FLT1: variants seen among roughly 807,000 people sequenced by gnomAD.
The protein encoded by FLT1 is vascular endothelial growth factor receptor 1.
A neutral mutation model predicts 156.3 loss-of-function variants in FLT1; 49 were observed. The observed-to-expected ratio is 0.31, with a 90% confidence interval of 0.25 to 0.40. FLT1 has a LOEUF of 0.40. Ranked by LOEUF, FLT1 falls within the 10% of genes least tolerant of loss-of-function variation. The probability of loss-of-function intolerance (pLI) is 1.00; values close to 1 mark genes in which losing one functional copy is unlikely to be tolerated. For synonymous variants in FLT1, 594 were observed against 583.8 expected (o/e 1.02, Z -0.25); for missense variants, 1,322 against 1,637.2 (o/e 0.81, Z 3.32).
intron 10 of FLT1, among the ~76,000 whole-genome samples, chr13:28,420,938 C>A (rs1373146614): frequency 6.6e-6 from 1 of 152,026 alleles, no homozygotes; most frequent in Non-Finnish European, 1.5e-5. Context: ...TCTCGGAAGC[C>A]CTTCTCAGAG....
chr13:28,402,444 A>G (rs1305703147), intron 11 of FLT1, among the ~76,000 whole-genome samples: 1 of 152,208 alleles, frequency 6.6e-6, no homozygotes, highest in Non-Finnish European at 1.5e-5. Context: ...ATATTAGTAG[A>G]TGCTAAAAGT....
At chr13:28,320,053 T>C (rs1374478942) in intron 23 of FLT1, among the ~76,000 whole-genome samples, 2 of 152,122 alleles carry the variant, frequency 1.3e-5, no homozygotes, top group Admixed American at 6.5e-5. Flanking sequence ...AAAGAGAATA[T>C]ACAGTTAGTT....
intron 4 of FLT1, among the ~76,000 whole-genome samples, chr13:28,436,088 A>G (rs1191545064): frequency 1.3e-5 from 2 of 152,228 alleles, no homozygotes; most frequent in African/African-American, 4.8e-5. Context: ...TCATCTATCC[A>G]TTACGGCTGT....
chr13:28,445,787 GA>G (rs1878584225), intron 3 of FLT1, among the ~76,000 whole-genome samples: 2 of 152,122 alleles, frequency 1.3e-5, no homozygotes, highest in South Asian at 4.1e-4. Flanking sequence ...AAAAATAGAA[GA>G]GAAGAGAAAA....
chr13:28,470,835 C>T (rs1297152908), intron 1 of FLT1, among the ~76,000 whole-genome samples: 3 of 152,122 alleles, frequency 2.0e-5, no homozygotes, highest in Non-Finnish European at 2.9e-5. Flanking sequence ...TGATTACAGG[C>T]GCCTGCCACC....
intron 25 of FLT1, among the ~76,000 whole-genome samples, chr13:28,315,843 A>T (rs1277144543): frequency 6.6e-6 from 1 of 152,132 alleles, no homozygotes; most frequent in Non-Finnish European, 1.5e-5. Context: ...TGGTCTAGGG[A>T]CATCAGTCCA....
chr13:28,481,723 G>A (rs1880863454), intron 1 of FLT1, among the ~76,000 whole-genome samples: 1 of 152,164 alleles, frequency 6.6e-6, no homozygotes. Flanking sequence ...AAGTAGAATA[G>A]GTGAATACTA....
At chr13:28,365,354 AC>A (rs1873252198) in intron 14 of FLT1, among the ~76,000 whole-genome samples, 1 of 147,708 alleles carries the variant, frequency 6.8e-6, no homozygotes, top group South Asian at 2.1e-4. Context: ...AACATGTAGA[AC>A]TCCCTTTTTT....
chr13:28,325,286 C>G (rs987256885), intron 20 of FLT1, among the ~76,000 whole-genome samples: 6 of 152,186 alleles, frequency 3.9e-5, no homozygotes, highest in Non-Finnish European at 8.8e-5. Context: ...GGAATTTGTA[C>G]TGCCCTCAGC....
intron 19 of FLT1, among the ~76,000 whole-genome samples, chr13:28,327,756 C>CAAAAAAAAAAAAAAAAAA (rs56031277): frequency 1.6e-5 from 2 of 122,794 alleles, no homozygotes; most frequent in Non-Finnish European, 3.4e-5. Context: ...AATTGAAATA[C>CAAAAAAAAAAAAAAAAAA]AAAAAAAAAA....
chr13:28,473,843 A>G (rs376991276), intron 1 of FLT1, among the ~76,000 whole-genome samples: 155 of 144,770 alleles, frequency 1.1e-3, no homozygotes, highest in Non-Finnish European at 1.3e-3. Flanking sequence ...AGAAAGGAAG[A>G]AAGAAAGAAA....
chr13:28,455,048 G>A (rs1030576458), intron 3 of FLT1, among the ~76,000 whole-genome samples: 1 of 152,094 alleles, frequency 6.6e-6, no homozygotes, highest in Non-Finnish European at 1.5e-5. Context: ...GGATAAAAAG[G>A]TTCAATATTG....
At position 28,329,675 on chromosome 13, in the gene FLT1, T is replaced by A; in HGVS notation, c.2647A>T (p.Thr883Ser). Residue 883 changes from threonine to serine, a missense_variant, in exon 19 of 30, where the codon ACC (threonine) becomes TCC (serine). Thr to Ser is a moderately conservative substitution (Grantham distance 58). Around this residue, in one of 3 missense-constraint regions of FLT1, gnomAD observed 991 missense variants for 1,254.8 expected, o/e 0.79. Transcript: ENST00000282397. ...ACGTTCAGATGGTGGCCAATGTGGGTCAAGATTTTTAGCTCAGTCATCAGA... is the reference window on the plus strand; with the variant it reads ...ACGTTCAGATGGTGGCCAATGTGGGACAAGATTTTTAGCTCAGTCATCAGA... ...KALMTELKIL[T>S]HIGHHLNVVN... 6.2e-7 allele frequency: 1 copy of A among 1,614,186 alleles called. No individual in the cohort carries two copies. Among genetic ancestry groups the A allele is most frequent in the Non-Finnish European group, 8.5e-7 (1 of 1,180,024 alleles).
At chr13:28,315,618 TAAAA>T (rs1871171215) in intron 25 of FLT1, among the ~76,000 whole-genome samples, 1 of 136,128 alleles carries the variant, frequency 7.3e-6, no homozygotes, top group African/African-American at 3.7e-5. Flanking sequence ...TATATGGAAG[TAAAA>T]ATAAAACTTA....
chr13:28,391,846 A>G (rs1204426877), intron 12 of FLT1, among the ~76,000 whole-genome samples: 1 of 152,148 alleles, frequency 6.6e-6, no homozygotes, highest in Admixed American at 6.5e-5. Flanking sequence ...GTCTCACGGG[A>G]GGATTTTAAA....
At chr13:28,426,531 G>A (rs1228898507) in intron 10 of FLT1, among the ~76,000 whole-genome samples, 1 of 152,216 alleles carries the variant, frequency 6.6e-6, no homozygotes, top group Admixed American at 6.5e-5. Context: ...TGCGCATCGA[G>A]TGATGTAACA....
intron 14 of FLT1, among the ~76,000 whole-genome samples, chr13:28,383,845 A>G (rs1874194642): frequency 6.6e-6 from 1 of 152,116 alleles, no homozygotes; most frequent in Non-Finnish European, 1.5e-5. Context: ...ACAAACAAAC[A>G]AACAAAAAAA....
intron 18 of FLT1, among the ~76,000 whole-genome samples, chr13:28,332,449 G>A (rs188028739): frequency 4.5e-4 from 69 of 152,228 alleles, no homozygotes; most frequent in African/African-American, 1.5e-3. Context: ...AACGGGACTA[G>A]CTGAGGAAAC....
chr13:28,414,922 C>T (rs1475434273), intron 10 of FLT1, among the ~76,000 whole-genome samples: 2 of 152,152 alleles, frequency 1.3e-5, no homozygotes, highest in East Asian at 3.9e-4. Flanking sequence ...CTGACCTAAG[C>T]ACTATGTCAC....
Sources: allele counts gnomAD v4.1 joint callset (sites outside exome capture counted in the v4.1 genomes callset), GRCh38; gene constraint gnomAD v4.1.1; regional missense constraint gnomAD v4.1.1; transcripts MANE v1.5; gene names NCBI Gene and HGNC (gene_info 2026-07-23, HGNC 2026-07-21).